Variants in FAM118B observed in about 807,000 individuals in gnomAD.
FAM118B encodes protein FAM118B.
A neutral mutation model predicts 38.5 loss-of-function variants in FAM118B; 24 were observed. The observed-to-expected ratio is 0.62, with a 90% CI of 0.45 to 0.88. The LOEUF (loss-of-function observed/expected upper bound fraction) is 0.88. Among genes scored for constraint, FAM118B ranks in the 40% least tolerant of loss-of-function variants. The pLI is 0.00. For synonymous variants in FAM118B, 138 were observed against 156.3 expected, an observed-to-expected ratio of 0.88 and a Z score of 0.87; for missense variants, 334 against 420.0, an observed-to-expected ratio of 0.80 and a Z score of 1.79.
At chr11:126,220,912 C>G (rs570951014) in intron 1 of FAM118B, among the ~76,000 whole-genome samples, 1 of 151,876 alleles carries the variant, frequency 6.6e-6, no homozygotes, top group Non-Finnish European at 1.5e-5. Context: ...GTAGGCCGGG[C>G]GCAGTGGCTC....
intron 4 of FAM118B, among the ~76,000 whole-genome samples, chr11:126,247,129 C>G (rs1015244994): frequency 6.6e-6 from 1 of 152,058 alleles, no homozygotes; most frequent in African/African-American, 2.4e-5. Flanking sequence ...CCTGTCTGTA[C>G]GAAAAATTTA....
chr11:126,212,365 A>T lies in FAM118B; in HGVS notation c.-77+535A>T, dbSNP rs111934691. ...CTCCTCCTAAAGAAAAAGCTGAAAG[A>T]ACGGAGCACAGACCTTCACTTTTCC... On this transcript the variant is annotated intron_variant, in intron 1 of 8. Transcript: ENST00000533050. 3.1e-3 allele frequency among the ~76,000 whole-genome samples: 476 copies of T among 152,280 alleles called. 2 individuals are homozygous for T. Among genetic ancestry groups the T allele is most frequent in the African/African-American group, 0.011 (458 of 41,556 alleles).
intron 4 of FAM118B, among the ~76,000 whole-genome samples, chr11:126,242,927 A>G (rs1234229867): frequency 6.6e-6 from 1 of 152,234 alleles, no homozygotes. Context: ...TGTTCATAGC[A>G]ACGTTATTCA....
In FAM118B at chr11:126,240,924, G is replaced by A; in HGVS notation, c.219G>A (p.Leu73=). 2 of 1,614,166 alleles carry A rather than the reference G, an allele frequency of 1.2e-6. No homozygotes were observed. Among genetic ancestry groups the A allele is most frequent in the East Asian group, 2.2e-5 (1 of 44,888 alleles). Residue 73 remains leucine, a synonymous_variant, in exon 4 of 9, where the codon CTG becomes CTA. Coordinates refer to ENST00000533050, the MANE Select transcript of FAM118B (RefSeq NM_024556.4). The part of the protein sequence containing the change: ...KSWKGLIQAL[L]DAAIDFDLLE... ...GGAAGGGGTTAATTCAGGCCTTACT[G>A]GATGCTGCCATTGATTTTGATCTTT...
Position 126,244,416 on chromosome 11 carries a change from A to G in FAM118B, c.339+3372A>G, listed in dbSNP as rs1347537639. Among the ~76,000 whole-genome samples the G allele has an allele frequency of 6.6e-6, 1 of 152,246 alleles. No homozygotes were observed. The highest frequency in any genetic ancestry group is 2.4e-5 in the African/African-American group (1 of 41,470). ...ATCAATATATAAAAATAGTATTTTTATACACTTGCAGTGAACAATACTAAA... is the reference window on the plus strand; with the variant it reads ...ATCAATATATAAAAATAGTATTTTTGTACACTTGCAGTGAACAATACTAAA... On this transcript the variant is annotated intron_variant, in intron 4 of 8. Coordinates refer to ENST00000533050, the MANE Select transcript of FAM118B (RefSeq NM_024556.4). This position sits in a 1 kb window ranked among gnomAD's most constrained non-coding sequence, Gnocchi z 4.5.
chr11:126,240,658 G>A, intron 3 of FAM118B, 134 bp from the exon 4 acceptor site: 3 of 790,302 alleles, frequency 3.8e-6, no homozygotes, highest in Non-Finnish European at 5.9e-6. Context: ...CTTTGGAAAG[G>A]TGTCAAAAAC....
At chr11:126,247,919 AC>A (rs984808454) in intron 4 of FAM118B, among the ~76,000 whole-genome samples, 7 of 147,078 alleles carry the variant, frequency 4.8e-5, no homozygotes, top group Admixed American at 4.1e-4. Flanking sequence ...CTATATAGAT[AC>A]GTATATCTAT....
At chr11:126,261,981 T>C (rs1332471589) in intron 8 of FAM118B, 139 bp from the exon 9 acceptor site, 9 of 827,482 alleles carry the variant, frequency 1.1e-5, no homozygotes, top group African/African-American at 1.7e-5. Flanking sequence ...GTAAATAAAA[T>C]TTTAAATAAA....
chr11:126,250,128 G>A lies in FAM118B; in HGVS notation c.340-378G>A, dbSNP rs367638503. On this transcript the variant is annotated intron_variant, in intron 4 of 8. Coordinates refer to ENST00000533050, the MANE Select transcript of FAM118B (RefSeq NM_024556.4). This position sits in a 1 kb window ranked among gnomAD's most constrained non-coding sequence, Gnocchi z 5.1. The stretch of plus-strand genomic sequence containing the variant: ...TTTTTTTGAGATGGAGTCTCGCTCC[G>A]TCGCCCAGGCTGGAGTGCAGTGACG... Among the ~76,000 whole-genome samples the A allele has an allele frequency of 3.7e-4, 53 of 143,988 alleles. 1 individual carries two copies. In the East Asian group the frequency reaches 5.9e-3, roughly 16 times the overall value. The allele number at this position is 143,988 out of a possible 152,430, so 94.5% of individuals were successfully genotyped here.
rs1182567110 is a variant in FAM118B at position 126,255,114 on chromosome 11, T to C, written c.696+681T>C. The stretch of plus-strand genomic sequence containing the variant: ...AACCAACCACTACTAGAGAATACAT[T>C]CTAAAGAGACTTTGTATAAATGGCA... On this transcript the variant is annotated intron_variant, in intron 6 of 8. Transcript: ENST00000533050. The surrounding 1 kb of genome is among the most constrained non-coding windows in gnomAD (Gnocchi z 4.6). Among the ~76,000 whole-genome samples, 1 of 152,228 alleles carries C rather than the reference T, an allele frequency of 6.6e-6. No individual in the cohort carries two copies. Among genetic ancestry groups the C allele is most frequent in the African/African-American group, 2.4e-5 (1 of 41,462 alleles).
At chr11:126,220,408 T>G (rs896170370) in intron 1 of FAM118B, among the ~76,000 whole-genome samples, 1 of 151,958 alleles carries the variant, frequency 6.6e-6, no homozygotes, top group African/African-American at 2.4e-5. Flanking sequence ...ACTGGCCACT[T>G]TTTTTTTAAG....
intron 4 of FAM118B, among the ~76,000 whole-genome samples, chr11:126,247,152 C>T (rs1034940506): frequency 2.0e-5 from 3 of 152,016 alleles, no homozygotes; most frequent in Admixed American, 1.3e-4. Context: ...AAGTAGTCGG[C>T]GTGGTGGTGT....
intron 1 of FAM118B, among the ~76,000 whole-genome samples, chr11:126,226,121 G>T (rs1209000781): frequency 6.6e-6 from 1 of 151,498 alleles, no homozygotes; most frequent in South Asian, 2.1e-4. Flanking sequence ...GGAACGTGGC[G>T]CAAGTTCCTA....
intron 4 of FAM118B, among the ~76,000 whole-genome samples, chr11:126,246,668 C>T (rs1180314806): frequency 1.3e-5 from 2 of 152,004 alleles, no homozygotes; most frequent in African/African-American, 4.8e-5. Context: ...TGTTGAACTC[C>T]TGGGCTCAAG....
At chr11:126,233,849 A>G in intron 2 of FAM118B, 1 of 407,284 alleles carries the variant, frequency 2.5e-6, no homozygotes, top group Non-Finnish European at 4.8e-6. Flanking sequence ...TTGGGAGGCC[A>G]AGGCTGGAAG....
rs79523709 is a variant in FAM118B at position 126,236,176 on chromosome 11, G to T, written c.86+1089G>T. Among the ~76,000 whole-genome samples the T allele has an allele frequency of 2.1e-4, 32 of 152,192 alleles. No homozygotes were observed. The East Asian group carries it at 4.8e-3, about 23-fold the overall frequency. ...ATTTCCTTTACATCTCTCCTGTATC[G>T]ATTCTCTGTTTGCTGGATCTCATGT... On this transcript the variant is annotated intron_variant, in intron 3 of 8. Transcript: ENST00000533050.
At position 126,241,093 on chromosome 11, in the gene FAM118B, A is replaced by C. The variant is rs146965322; in HGVS notation, c.339+49A>C. 6.3e-4 allele frequency: 943 copies of C among 1,502,082 alleles called. 6 individuals carry two copies. The African/African-American group carries it at 0.012, about 19-fold the overall frequency. The allele number at this position is 1,502,082 out of a possible 1,614,324, so 93.0% of individuals were successfully genotyped here. On this transcript the variant is annotated intron_variant, in intron 4 of 8. Transcript: ENST00000533050. ...AGTATTTGGAATTTCCTAAAATTTA[A>C]CTATCACAACTAGCATGATTTGGCT... is the stretch of plus-strand genomic sequence containing the variant.
chr11:126,224,900 A>G lies in FAM118B; in HGVS notation c.-76-4325A>G, dbSNP rs553464231. Among the ~76,000 whole-genome samples the G allele has an allele frequency of 2.0e-5, 3 of 152,334 alleles. No individual in the cohort carries two copies. The South Asian group carries it at 6.2e-4, about 32-fold the overall frequency. ...TAGGCAGAGATCTCCCATCCCATGA[A>G]TGCTCTGCAGATGGTAACCTATAAA... On this transcript the variant is annotated intron_variant, in intron 1 of 8. Coordinates refer to ENST00000533050, the MANE Select transcript of FAM118B (RefSeq NM_024556.4).
rs761575812 is a variant in FAM118B at position 126,244,848 on chromosome 11, A to C, written c.339+3804A>C. On this transcript the variant is annotated intron_variant, in intron 4 of 8. Transcript: ENST00000533050. The surrounding 1 kb of genome is among the most constrained non-coding windows in gnomAD (Gnocchi z 4.5). ...GGAGAACTTATGCTTTGAAAACTAC[A>C]AAACACTGAAAGAAATGAAAGAAGA... Among the ~76,000 whole-genome samples the C allele has an allele frequency of 6.6e-6, 1 of 152,094 alleles. No individual in the cohort carries two copies. The highest frequency in any genetic ancestry group is 1.5e-5 in the Non-Finnish European group (1 of 68,014).
Sources: gnomAD v4.1 joint callset for allele counts (sites outside exome capture counted in the v4.1 genomes callset) on GRCh38, gnomAD v4.1.1 for gene constraint, Gnocchi (gnomAD v3.1) non-coding constraint, MANE v1.5 for transcripts, NCBI Gene and HGNC (gene_info 2026-07-23, HGNC 2026-07-21) for gene names.